Variants in VWDE observed in about 807,000 individuals in gnomAD.
VWDE encodes von Willebrand factor D and EGF domain-containing protein.
In VWDE, 207 loss-of-function variants were observed where a neutral mutation model predicts 178.4. That is an observed-to-expected ratio of 1.16 (90% CI 1.04 to 1.30). The LOEUF (loss-of-function observed/expected upper bound fraction) is 1.30, where lower values mean the gene tolerates loss of function less well. Among genes scored for constraint, VWDE ranks in the 50% most tolerant of loss-of-function variants. The pLI, the probability that VWDE is intolerant of heterozygous loss-of-function variation, is 0.00. For missense variants in VWDE, 2,287 were observed against 1,901.3 expected (o/e 1.20, Z -3.77); for synonymous variants, 738 against 651.4 (o/e 1.13, Z -2.02).
chr7:12,348,640 A>G (rs1432914563), intron 19 of VWDE, among the ~76,000 whole-genome samples: 2 of 147,788 alleles, frequency 1.4e-5, no homozygotes, highest in Non-Finnish European at 3.0e-5. Flanking sequence ...ACTGTAAACT[A>G]GTTCAACCAT....
chr7:12,360,201 A>T (rs1484975795), intron 15 of VWDE, among the ~76,000 whole-genome samples: 1 of 152,172 alleles, frequency 6.6e-6, no homozygotes, highest in African/African-American at 2.4e-5. Context: ...TTTGAAAGAG[A>T]TGCTGATAAG....
rs1003930350 is a variant in VWDE at position 12,349,388 on chromosome 7, A to T, written c.3886+2185T>A. 4.0e-4 allele frequency among the ~76,000 whole-genome samples: 60 copies of T among 151,542 alleles called. 1 individual carries two copies. The highest frequency in any genetic ancestry group is 6.2e-4 in the South Asian group (3 of 4,828). On this transcript the variant is annotated intron_variant, in intron 19 of 28. Coordinates refer to ENST00000275358, the MANE Select transcript of VWDE (RefSeq NM_001135924.3). ...TAAAATAACAAATTTCAAATGAATT[A>T]AAAACTAAATGTAAAATATAAAATA... is the stretch of plus-strand genomic sequence containing the variant.
intron 3 of VWDE, among the ~76,000 whole-genome samples, chr7:12,387,535 G>A (rs1784163650): frequency 6.6e-6 from 1 of 151,574 alleles, no homozygotes; most frequent in South Asian, 2.1e-4. Context: ...ATATATATGT[G>A]TATATATACA....
In VWDE at chr7:12,355,717, TA is replaced by T. The variant is rs1200535840; in HGVS notation, c.3745+393del. Among the ~76,000 whole-genome samples the T allele has an allele frequency of 2.0e-5, 3 of 152,302 alleles. No individual in the cohort carries two copies. In the South Asian group the frequency reaches 6.2e-4, roughly 32 times the overall value. ...TTTCAACTTCTTACCATGATATTTC[TA>T]AGTCAACGAATTATCAGTAAAACCT... On this transcript the variant is annotated intron_variant, in intron 18 of 28. Transcript: ENST00000275358.
chr7:12,393,845 T>A, intron 1 of VWDE, 67 bp from the exon 2 acceptor site: 1 of 1,331,918 alleles, frequency 7.5e-7, no homozygotes, highest in Non-Finnish European at 1.0e-6. Context: ...GGTCCTCAAT[T>A]AAAATTGATT....
At chr7:12,378,612 C>T (rs543574444) in intron 6 of VWDE, among the ~76,000 whole-genome samples, 14 of 152,116 alleles carry the variant, frequency 9.2e-5, no homozygotes, top group Non-Finnish European at 1.9e-4. Flanking sequence ...GGGGTGCTGA[C>T]TATTGACCCC....
chr7:12,334,964 T>A (rs1157774839), intron 27 of VWDE, among the ~76,000 whole-genome samples: 1 of 152,128 alleles, frequency 6.6e-6, no homozygotes, highest in Non-Finnish European at 1.5e-5. Context: ...TAATAGTACT[T>A]TCATATATTT....
intron 19 of VWDE, among the ~76,000 whole-genome samples, chr7:12,350,448 A>G (rs1384027743): frequency 6.6e-6 from 1 of 152,112 alleles, no homozygotes; most frequent in Non-Finnish European, 1.5e-5. Flanking sequence ...CCCACTCCCA[A>G]TTTAAAACTA....
rs960269673 is a variant in VWDE at position 12,361,529 on chromosome 7, C to T, written c.2899-8G>A. 1 of 1,496,844 alleles carries T rather than the reference C, an allele frequency of 6.7e-7. No individual in the cohort carries two copies. The highest frequency in any genetic ancestry group is 1.4e-5 in the African/African-American group (1 of 70,412). The allele number at this position is 1,496,844 out of a possible 1,614,324, so 92.7% of individuals were successfully genotyped here. A position where few individuals can be genotyped will look rare whatever the true frequency, so the allele number is the denominator to read the frequency against. On this transcript the variant is annotated splice_region_variant and splice_polypyrimidine_tract_variant and intron_variant, in intron 13 of 28. Transcript: ENST00000275358. ...CCATTCACTGCTATTATACTGAAGACATAGTGAGAAAAAAATTAACCTCTG... is the reference window on the plus strand; with the variant it reads ...CCATTCACTGCTATTATACTGAAGATATAGTGAGAAAAAAATTAACCTCTG...
rs968812547 is a variant in VWDE at position 12,340,344 on chromosome 7, G to T, written c.4344C>A (p.Phe1448Leu). 2.6e-6 allele frequency: 4 copies of T among 1,550,984 alleles called. No individual in the cohort carries two copies. The highest frequency in any genetic ancestry group is 2.4e-5 in the South Asian group (2 of 84,006). The stretch of plus-strand genomic sequence containing the variant: ...TACCATTCTGACAGTGTTCCCCAAA[G>T]AATCCATTTGGACAGAGGCAAGTAT... ...KPNTCLCPNG[F>L]FGEHCQNAFC... is the part of the protein sequence containing the mutation. The change falls in exon 24 of 29, where the codon TTC becomes TTA. Residue 1448 changes from phenylalanine (F) to leucine (L), a missense_variant. Physicochemically the swap from Phe to Leu is conservative, Grantham distance 22 (BLOSUM62 0). Coordinates refer to ENST00000275358, the MANE Select transcript of VWDE (RefSeq NM_001135924.3).
At position 12,373,203 on chromosome 7, in the gene VWDE, C is replaced by G. The variant is rs193191232; in HGVS notation, c.1361G>C (p.Ser454Thr). ...FKTGTFVLYK[S>T]MSRDFEVHVR... ...ATGGACTTCAAAATCACGTGACATACTCTTATAAAGCACAAATGTTCCAGT... is the reference window on the plus strand; with the variant it reads ...ATGGACTTCAAAATCACGTGACATAGTCTTATAAAGCACAAATGTTCCAGT... The change falls in exon 10 of 29, where the codon AGT becomes ACT. Residue 454 changes from serine (S) to threonine (T), a missense_variant. Transcript: ENST00000275358. The G allele has an allele frequency of 1.7e-4, 264 of 1,551,282 alleles. No homozygotes were observed. Among genetic ancestry groups the G allele is most frequent in the Non-Finnish European group, 2.2e-4 (257 of 1,146,766 alleles).
intron 19 of VWDE, among the ~76,000 whole-genome samples, chr7:12,349,823 A>C (rs1248673554): frequency 6.6e-6 from 1 of 152,112 alleles, no homozygotes; most frequent in Non-Finnish European, 1.5e-5. Context: ...AACTTTGGAG[A>C]TGAGAAAAGT....
intron 23 of VWDE, 112 bp from the exon 24 acceptor site, chr7:12,340,529 T>A: frequency 1.4e-6 from 1 of 697,422 alleles, no homozygotes; most frequent in Non-Finnish European, 2.4e-6. Context: ...TTACTGCAAG[T>A]AAAGCCCATA....
chr7:12,336,404 A>T (rs1781033803), intron 26 of VWDE, among the ~76,000 whole-genome samples, 168 bp from the exon 27 acceptor site: 1 of 152,238 alleles, frequency 6.6e-6, no homozygotes, highest in African/African-American at 2.4e-5. Flanking sequence ...GTCACTACAT[A>T]TTCTTGGAAA....
At chr7:12,365,478 T>A (rs931405347) in intron 13 of VWDE, among the ~76,000 whole-genome samples, 10 of 152,104 alleles carry the variant, frequency 6.6e-5, no homozygotes, top group African/African-American at 2.4e-4. Context: ...ATGACCTGAT[T>A]TCCAAAATGC....
chr7:12,386,450 A>T (rs996652303), intron 3 of VWDE, among the ~76,000 whole-genome samples: 11 of 152,184 alleles, frequency 7.2e-5, no homozygotes, highest in African/African-American at 2.7e-4. Flanking sequence ...TTCTCATTGC[A>T]CACAGAACAA....
At position 12,357,334 on chromosome 7, in the gene VWDE, T is replaced by C; in HGVS notation, c.3456A>G (p.Leu1152=). 1 of 1,552,166 alleles carries C rather than the reference T, an allele frequency of 6.4e-7. No individual in the cohort carries two copies. The highest frequency in any genetic ancestry group is 8.7e-7 in the Non-Finnish European group (1 of 1,147,106). The change falls in exon 17 of 29, where the codon TTA becomes TTG. Residue 1152 remains leucine (L), a synonymous_variant. Coordinates refer to ENST00000275358, the MANE Select transcript of VWDE (RefSeq NM_001135924.3). ...GTACAGTAATTTGTTGGGTAGTTAG[T>C]AAATCTGTTTTCCACATAAAAAGCC... The part of the protein sequence containing the change: ...SAGLFMWKTD[L]LTTQQITVRL...
chr7:12,379,848 A>G (rs1001695707), intron 5 of VWDE, among the ~76,000 whole-genome samples: 4 of 152,112 alleles, frequency 2.6e-5, no homozygotes, highest in Admixed American at 1.3e-4. Context: ...TAATCCCAGC[A>G]CTTTGGGAGG....
chr7:12,349,097 G>A (rs1175332449), intron 19 of VWDE, among the ~76,000 whole-genome samples: 1 of 152,080 alleles, frequency 6.6e-6, no homozygotes. Context: ...GAGAGGGGAG[G>A]GATAGCATTG....
Sources: allele counts gnomAD v4.1 joint callset (sites outside exome capture counted in the v4.1 genomes callset), GRCh38; gene constraint gnomAD v4.1.1; transcripts MANE v1.5; gene names NCBI Gene and HGNC (gene_info 2026-07-23, HGNC 2026-07-21).